ANKRD6: variants seen among roughly 807,000 people sequenced by gnomAD.
ANKRD6 encodes the protein ankyrin repeat domain-containing protein 6.
ANKRD6 carries 56 observed loss-of-function variants against 82.3 expected under a neutral mutation model. The observed-to-expected ratio is 0.68, with a 90% CI of 0.55 to 0.85. The LOEUF (loss-of-function observed/expected upper bound fraction) is 0.85, where lower values mean the gene tolerates loss of function less well. Among genes scored for constraint, ANKRD6 ranks in the 40% least tolerant of loss-of-function variants. The probability of loss-of-function intolerance (pLI) is 0.00; values close to 1 mark genes in which losing one functional copy is unlikely to be tolerated. For synonymous variants in ANKRD6, 347 were observed against 352.1 expected, an observed-to-expected ratio of 0.99 and a Z score of 0.16; for missense variants, 852 against 907.6, an observed-to-expected ratio of 0.94 and a Z score of 0.79.
At chr6:89,520,853 G>C (rs1781804875) in intron 1 of ANKRD6, among the ~76,000 whole-genome samples, 1 of 152,174 alleles carries the variant, frequency 6.6e-6, no homozygotes, top group Non-Finnish European at 1.5e-5. Flanking sequence ...TGTAATCCCA[G>C]CATATGCTCC....
rs1478907305 is a variant in ANKRD6 at position 89,630,617 on chromosome 6, C to A, written c.1797C>A (p.Pro599=). The part of the protein sequence containing the change: ...RNVKVQTALL[P]MNEAARSDQQ... The stretch of plus-strand genomic sequence containing the variant: ...TCAAGGTCCAGACAGCCTTGCTACC[C>A]ATGAATGAGGCAGCCAGATCTGATC... Residue 599 remains proline (P), a synonymous_variant, in exon 16 of 16, where the codon CCC becomes CCA. Transcript: ENST00000339746. 1.2e-6 allele frequency: 2 copies of A among 1,613,886 alleles called. No homozygotes were observed. Among genetic ancestry groups the A allele is most frequent in the African/African-American group, 2.7e-5 (2 of 75,056 alleles).
At chr6:89,595,848 C>A in intron 2 of ANKRD6, 68 bp from the exon 3 acceptor site, 7 of 1,290,636 alleles carry the variant, frequency 5.4e-6, no homozygotes, top group South Asian at 5.1e-5. Flanking sequence ...TTGCTCTAGG[C>A]CCTCTGTCTC....
chr6:89,521,728 A>G (rs1379870335), intron 1 of ANKRD6, among the ~76,000 whole-genome samples: 16 of 152,044 alleles, frequency 1.1e-4, no homozygotes, highest in Admixed American at 1.0e-3. Flanking sequence ...TGTATGAATC[A>G]GATCTATTTT....
At chr6:89,524,039 G>A (rs1782175952) in intron 1 of ANKRD6, among the ~76,000 whole-genome samples, 1 of 152,192 alleles carries the variant, frequency 6.6e-6, no homozygotes, top group Non-Finnish European at 1.5e-5. Context: ...AGGAGAGCCA[G>A]ACTAGCAGGA....
chr6:89,524,885 C>T (rs1418674948), intron 1 of ANKRD6, among the ~76,000 whole-genome samples: 1 of 151,122 alleles, frequency 6.6e-6, no homozygotes, highest in African/African-American at 2.4e-5. Flanking sequence ...ATGCCAACAT[C>T]TATTTTTTTT....
chr6:89,575,058 C>T, intron 2 of ANKRD6, among the ~76,000 whole-genome samples: 1 of 152,002 alleles, frequency 6.6e-6, no homozygotes, highest in East Asian at 1.9e-4. Flanking sequence ...GCATGGGAAA[C>T]CCAGCAAAGC....
At chr6:89,595,091 T>C (rs1350784646) in intron 2 of ANKRD6, among the ~76,000 whole-genome samples, 1 of 151,992 alleles carries the variant, frequency 6.6e-6, no homozygotes, top group Non-Finnish European at 1.5e-5. Flanking sequence ...CGGCCAGTCA[T>C]GGTGGCTCAT....
intron 1 of ANKRD6, among the ~76,000 whole-genome samples, chr6:89,562,067 A>T (rs554944388): frequency 3.9e-5 from 6 of 152,216 alleles, no homozygotes; most frequent in African/African-American, 1.4e-4. Context: ...GCTCAAGTCA[A>T]AATGAAAGCC....
intron 1 of ANKRD6, among the ~76,000 whole-genome samples, chr6:89,484,241 T>C (rs1201129332): frequency 6.6e-6 from 1 of 152,180 alleles, no homozygotes; most frequent in East Asian, 1.9e-4. Context: ...TTTTCTTTTT[T>C]CCTCTGAAAC....
chr6:89,584,590 G>A (rs1793303376), intron 2 of ANKRD6, among the ~76,000 whole-genome samples: 1 of 152,178 alleles, frequency 6.6e-6, no homozygotes. Flanking sequence ...TGAATAGGTA[G>A]CAGCTCTGCC....
At chr6:89,512,373 C>T (rs1780655861) in intron 1 of ANKRD6, among the ~76,000 whole-genome samples, 1 of 152,202 alleles carries the variant, frequency 6.6e-6, no homozygotes, top group South Asian at 2.1e-4. Flanking sequence ...AAGTGTCATA[C>T]AGATTTGTCA....
At chr6:89,468,248 A>AT (rs991272117) in intron 1 of ANKRD6, among the ~76,000 whole-genome samples, 55 of 152,126 alleles carry the variant, frequency 3.6e-4, no homozygotes, top group Non-Finnish European at 7.2e-4. Context: ...GTCTGTCTGG[A>AT]TTTTTTCACT....
intron 1 of ANKRD6, among the ~76,000 whole-genome samples, chr6:89,463,273 T>G (rs1182056924): frequency 6.6e-6 from 1 of 152,190 alleles, no homozygotes; most frequent in African/African-American, 2.4e-5. Context: ...TTAATTTTTT[T>G]AAAACAATTT....
At chr6:89,444,229 A>T (rs1771776947) in intron 1 of ANKRD6, among the ~76,000 whole-genome samples, 1 of 152,236 alleles carries the variant, frequency 6.6e-6, no homozygotes, top group Non-Finnish European at 1.5e-5. Context: ...ATATCTATTG[A>T]ACGGCTTGCT....
chr6:89,602,739 G>A, intron 3 of ANKRD6: 1 of 396,618 alleles, frequency 2.5e-6, no homozygotes, highest in East Asian at 4.4e-5. Flanking sequence ...TGGATGGCAG[G>A]AGAGAGCCTG....
At chr6:89,595,082 G>A (rs569452686) in intron 2 of ANKRD6, among the ~76,000 whole-genome samples, 1 of 152,084 alleles carries the variant, frequency 6.6e-6, no homozygotes, top group African/African-American at 2.4e-5. Context: ...AGGAAGAACC[G>A]GCCAGTCATG....
chr6:89,604,466 CTT>C (rs5878101), intron 4 of ANKRD6, among the ~76,000 whole-genome samples: 85 of 148,878 alleles, frequency 5.7e-4, no homozygotes, highest in South Asian at 8.5e-4. Flanking sequence ...CCTCTGCTTA[CTT>C]TTTTTTTTTT....
intron 4 of ANKRD6, among the ~76,000 whole-genome samples, chr6:89,603,517 C>G (rs1360596435): frequency 6.6e-6 from 1 of 151,878 alleles, no homozygotes; most frequent in East Asian, 1.9e-4. Context: ...TTTCCTTGTT[C>G]TATGGCACCA....
At chr6:89,578,504 T>C (rs987791978) in intron 2 of ANKRD6, among the ~76,000 whole-genome samples, 3 of 152,056 alleles carry the variant, frequency 2.0e-5, no homozygotes, top group Non-Finnish European at 2.9e-5. Flanking sequence ...TCATGTTACC[T>C]AGGCTGATTT....
Sources: gnomAD v4.1 joint callset for allele counts (sites outside exome capture counted in the v4.1 genomes callset) on GRCh38, gnomAD v4.1.1 for gene constraint, MANE v1.5 for transcripts, NCBI Gene and HGNC (gene_info 2026-07-23, HGNC 2026-07-21) for gene names.